SLC41A3: variants seen among roughly 807,000 people sequenced by gnomAD.
SLC41A3 encodes solute carrier family 41 member 3.
Under a neutral mutation model 45.4 loss-of-function variants are expected in SLC41A3, and 44 were observed. The ratio of observed to expected loss-of-function variants is 0.97; its 90% CI spans 0.76 to 1.25. The LOEUF (loss-of-function observed/expected upper bound fraction) is 1.25. Among genes scored for constraint, SLC41A3 ranks in the 50% most tolerant of loss-of-function variants. The pLI is 0.00. For missense variants in SLC41A3, 550 were observed against 600.6 expected, an observed-to-expected ratio of 0.92 and a Z score of 0.88; for synonymous variants, 256 against 252.4, an observed-to-expected ratio of 1.01 and a Z score of -0.13.
At position 126,012,756 on chromosome 3, in the gene SLC41A3, G is replaced by A. The variant is rs185247723; in HGVS notation, c.971-7C>T. ...ACCAGATTGCCACCAACACCTACGA[G>A]GAGAAAAGGAATCTGTTTTCCCTTT... On this transcript the variant is annotated splice_region_variant and splice_polypyrimidine_tract_variant and intron_variant, in intron 8 of 10. Transcript: ENST00000360370. 50 of 1,614,054 alleles carry A rather than the reference G, an allele frequency of 3.1e-5. No individual in the cohort carries two copies. Among genetic ancestry groups the A allele is most frequent in the Admixed American group, 3.0e-4 (18 of 60,018 alleles).
intron 4 of SLC41A3, among the ~76,000 whole-genome samples, chr3:126,032,014 C>A (rs868149): frequency 0.22 from 33,189 of 152,230 alleles, 4,070 homozygotes; most frequent in Non-Finnish European, 0.27. Context: ...AGAGATACAC[C>A]TGGTGTTAGG....
At chr3:126,063,144 C>T (rs974300691) in intron 2 of SLC41A3, among the ~76,000 whole-genome samples, 3 of 152,192 alleles carry the variant, frequency 2.0e-5, no homozygotes, top group African/African-American at 7.2e-5. Context: ...CCCATTATGC[C>T]TTCACATGTG....
At chr3:126,085,755 G>A (rs1031883572), upstream of SLC41A3, among the ~76,000 whole-genome samples, 1 of 152,032 alleles carries the variant, frequency 6.6e-6, no homozygotes, top group Non-Finnish European at 1.5e-5. Context: ...CAACTCCAAA[G>A]AGAAAGGCAT....
chr3:126,064,781 C>T (rs1268595314), intron 2 of SLC41A3, among the ~76,000 whole-genome samples: 3 of 152,228 alleles, frequency 2.0e-5, no homozygotes, highest in African/African-American at 4.8e-5. Flanking sequence ...ATGCTCATCC[C>T]AGTCCACCCA....
upstream of SLC41A3, chr3:126,084,214 A>G (rs1473578637): frequency 6.6e-6 from 1 of 151,858 alleles, no homozygotes; most frequent in Non-Finnish European, 1.5e-5. Context: ...GGGCGGCCGG[A>G]CCTCGGACGA....
At chr3:126,060,104 T>C (rs2107970410) in intron 2 of SLC41A3, among the ~76,000 whole-genome samples, 1 of 152,316 alleles carries the variant, frequency 6.6e-6, no homozygotes, top group South Asian at 2.1e-4. Context: ...ATTACAAAAA[T>C]GTTTCTCAAA....
intron 1 of SLC41A3, among the ~76,000 whole-genome samples, chr3:126,091,573 T>A (rs1354303906): frequency 6.6e-6 from 1 of 152,074 alleles, no homozygotes; most frequent in African/African-American, 2.4e-5. Flanking sequence ...GAGGCCAAGG[T>A]TTTTTTATGC....
Position 126,006,729 on chromosome 3 carries a change from G to A in SLC41A3, c.*287C>T, listed in dbSNP as rs966252882. The A allele has an allele frequency of 2.1e-6, 3 of 1,448,082 alleles. No individual in the cohort carries two copies. Among genetic ancestry groups the A allele is most frequent in the Non-Finnish European group, 2.7e-6 (3 of 1,104,656 alleles). 89.7% of individuals were successfully genotyped at this position (1,448,082 alleles called of 1,614,324 possible). ...GCCTCTTCTTTACCTTCTCAGGCCA[G>A]AACACCCTCCTCTCCACAAACGTGT... On this transcript the variant is annotated 3_prime_UTR_variant, in exon 11 of 11. Coordinates refer to ENST00000360370, the MANE Select transcript of SLC41A3 (RefSeq NM_017836.4).
intron 6 of SLC41A3, among the ~76,000 whole-genome samples, chr3:126,021,241 C>T (rs1346785877): frequency 6.6e-6 from 1 of 152,036 alleles, no homozygotes; most frequent in Non-Finnish European, 1.5e-5. Context: ...TTTCTGTGTC[C>T]TCCTTTTGTT....
chr3:126,089,068 AT>A (rs1364687649), upstream of SLC41A3, among the ~76,000 whole-genome samples: 5 of 152,210 alleles, frequency 3.3e-5, no homozygotes, highest in East Asian at 9.6e-4. Context: ...AGCAGTTAAT[AT>A]GCTTCATGTG....
chr3:126,081,355 CG>C (rs1489619019), intron 1 of SLC41A3, among the ~76,000 whole-genome samples: 3 of 152,018 alleles, frequency 2.0e-5, no homozygotes, highest in Non-Finnish European at 4.4e-5. Flanking sequence ...AAGCCTGTGG[CG>C]GGACAGGGGG....
intron 2 of SLC41A3, chr3:126,067,662 C>CA: frequency 3.8e-6 from 2 of 523,048 alleles, no homozygotes; most frequent in Non-Finnish European, 3.5e-6. Flanking sequence ...AGTTGACTGA[C>CA]ACAGTTGTTA....
At chr3:126,074,530 G>A (rs933490306) in intron 1 of SLC41A3, among the ~76,000 whole-genome samples, 18 of 152,122 alleles carry the variant, frequency 1.2e-4, no homozygotes, top group Admixed American at 5.2e-4. Flanking sequence ...AATCTTATAC[G>A]TAAAAAATCA....
intron 1 of SLC41A3, among the ~76,000 whole-genome samples, chr3:126,078,022 G>C (rs554411048): frequency 6.6e-6 from 1 of 152,240 alleles, no homozygotes; most frequent in East Asian, 1.9e-4. Flanking sequence ...ACAGAGATGG[G>C]AACTGCCTAC....
At chr3:126,023,138 C>T (rs1303698223) in intron 5 of SLC41A3, 31 of 616,936 alleles carry the variant, frequency 5.0e-5, no homozygotes, top group Non-Finnish European at 7.2e-5. Flanking sequence ...ACACTGGAGG[C>T]CTGAGAAGGC....
intron 1 of SLC41A3, among the ~76,000 whole-genome samples, chr3:126,101,027 C>CGG: frequency 6.6e-6 from 1 of 152,364 alleles, no homozygotes. Flanking sequence ...TGAGTCGCCC[C>CGG]GGGGGAGATG....
At chr3:126,013,674 T>C (rs902188201) in intron 8 of SLC41A3, among the ~76,000 whole-genome samples, 4 of 151,986 alleles carry the variant, frequency 2.6e-5, no homozygotes, top group Non-Finnish European at 5.9e-5. Flanking sequence ...CTCATGGCTG[T>C]GTGGTCTGAG....
At position 126,012,754 on chromosome 3, in the gene SLC41A3, G is replaced by A. The variant is rs749937479; in HGVS notation, c.971-5C>T. 6.2e-6 allele frequency: 10 copies of A among 1,614,076 alleles called. No individual in the cohort carries two copies. Among genetic ancestry groups the A allele is most frequent in the South Asian group, 4.4e-5 (4 of 91,074 alleles). ...CCACCAGATTGCCACCAACACCTACGAGGAGAAAAGGAATCTGTTTTCCCT... is the reference window on the plus strand; with the variant it reads ...CCACCAGATTGCCACCAACACCTACAAGGAGAAAAGGAATCTGTTTTCCCT... On this transcript the variant is annotated splice_region_variant and splice_polypyrimidine_tract_variant and intron_variant, in intron 8 of 10. Coordinates refer to ENST00000360370, the MANE Select transcript of SLC41A3 (RefSeq NM_017836.4).
intron 1 of SLC41A3, among the ~76,000 whole-genome samples, chr3:126,097,487 C>A (rs991038109): frequency 3.3e-5 from 5 of 152,328 alleles, no homozygotes; most frequent in Non-Finnish European, 7.3e-5. Context: ...GGAGCCCTAT[C>A]CTACCCCGCT....
Sources: allele counts gnomAD v4.1 joint callset (sites outside exome capture counted in the v4.1 genomes callset), GRCh38; gene constraint gnomAD v4.1.1; transcripts MANE v1.5; gene names NCBI Gene and HGNC (gene_info 2026-07-23, HGNC 2026-07-21).